Variants in ARL8B observed in about 807,000 individuals in gnomAD.
ARL8B encodes the protein ADP-ribosylation factor-like protein 8B.
A neutral mutation model predicts 30.6 loss-of-function variants in ARL8B; 9 were observed. The observed-to-expected ratio is 0.29, with a 90% confidence interval of 0.18 to 0.51. ARL8B has a LOEUF of 0.51. Ranked by LOEUF, ARL8B falls within the 20% of genes least tolerant of loss-of-function variation. The pLI, the probability that ARL8B is intolerant of heterozygous loss-of-function variation, is 0.97. For synonymous variants in ARL8B, 74 were observed against 76.0 expected (o/e 0.97, Z 0.14); for missense variants, 130 against 227.2 (o/e 0.57, Z 2.75).
chr3:5,125,953 C>T (rs1403671319), intron 1 of ARL8B, among the ~76,000 whole-genome samples: 1 of 152,080 alleles, frequency 6.6e-6, no homozygotes, highest in African/African-American at 2.4e-5. Context: ...AGTCATTCCA[C>T]ACTGTAAACA....
intron 1 of ARL8B, among the ~76,000 whole-genome samples, chr3:5,130,656 C>T (rs1230802672): frequency 1.3e-5 from 2 of 151,960 alleles, no homozygotes; most frequent in Non-Finnish European, 2.9e-5. Context: ...GCCTCAGCCT[C>T]TCCCCAGTAG....
chr3:5,125,878 G>A (rs2106550838), intron 1 of ARL8B, among the ~76,000 whole-genome samples: 1 of 152,090 alleles, frequency 6.6e-6, no homozygotes, highest in African/African-American at 2.4e-5. Context: ...AATGGTGTGG[G>A]TAGCTTCAGT....
chr3:5,164,993 A>G (rs1299852961), intron 1 of ARL8B, among the ~76,000 whole-genome samples: 1 of 152,232 alleles, frequency 6.6e-6, no homozygotes, highest in African/African-American at 2.4e-5. Context: ...CAGCTGGAAT[A>G]CTACATAGGG....
At chr3:5,133,833 G>A (rs2054303688) in intron 1 of ARL8B, among the ~76,000 whole-genome samples, 2 of 152,200 alleles carry the variant, frequency 1.3e-5, no homozygotes, top group African/African-American at 4.8e-5. Flanking sequence ...AGCTGCCGGG[G>A]AGGCATAGGT....
intron 1 of ARL8B, among the ~76,000 whole-genome samples, chr3:5,124,343 C>T (rs1008748181): frequency 2.0e-5 from 3 of 146,904 alleles, no homozygotes; most frequent in African/African-American, 7.5e-5. Context: ...TGGGCTCAAG[C>T]GAGCCTCCTG....
At chr3:5,146,033 A>C (rs951096245) in intron 1 of ARL8B, among the ~76,000 whole-genome samples, 3 of 152,206 alleles carry the variant, frequency 2.0e-5, no homozygotes, top group Non-Finnish European at 4.4e-5. Flanking sequence ...TATTGTAACA[A>C]CTGGGTTTCC....
At chr3:5,160,700 T>TA (rs1376736525) in intron 1 of ARL8B, among the ~76,000 whole-genome samples, 3 of 152,230 alleles carry the variant, frequency 2.0e-5, no homozygotes, top group African/African-American at 7.2e-5. Context: ...CTAGATGTGA[T>TA]ATGACCAGTT....
intron 2 of ARL8B, 175 bp downstream of exon 2, chr3:5,170,758 G>A (rs1232942524): frequency 7.7e-6 from 4 of 520,358 alleles, no homozygotes; most frequent in Non-Finnish European, 1.3e-5. Context: ...TGGAAACAGA[G>A]TTTTGCTCTT....
intron 1 of ARL8B, among the ~76,000 whole-genome samples, chr3:5,153,172 T>G (rs1354760716): frequency 6.6e-6 from 1 of 152,150 alleles, no homozygotes; most frequent in Non-Finnish European, 1.5e-5. Flanking sequence ...AGAGGCCCCT[T>G]TACCTTCCCC....
In ARL8B at chr3:5,122,394, C is replaced by T. The variant is rs1173293307; in HGVS notation, c.-72C>T. ...AGCCGTTGGAGGGTCCGGGCGGAGG[C>T]CCGCTCGTGTGGAAGTCGTCGACGC... On this transcript the variant is annotated 5_prime_UTR_variant, in exon 1 of 7. Transcript: ENST00000256496. 6.2e-7 allele frequency: 1 copy of T among 1,601,528 alleles called. No homozygotes were observed. Among genetic ancestry groups the T allele is most frequent in the South Asian group, 1.1e-5 (1 of 89,862 alleles).
intron 6 of ARL8B, among the ~76,000 whole-genome samples, chr3:5,174,649 AAT>A (rs934214501): frequency 2.1e-5 from 3 of 142,698 alleles, no homozygotes; most frequent in East Asian, 2.0e-4. Flanking sequence ...CTCTCATACA[AAT>A]ATATATATAA....
Position 5,178,815 on chromosome 3 carries a change from A to G in ARL8B, c.*102A>G, listed in dbSNP as rs776709830. The G allele has an allele frequency of 8.9e-6, 14 of 1,571,274 alleles. No homozygotes were observed. The highest frequency in any genetic ancestry group is 4.6e-4 in the Middle Eastern group (2 of 4,320). Reference sequence around the variant, plus strand: ...GAATACGGTCCTTCCTAAACCCCAGAAATTGCCTTTTTCAGAGTTTATTTC... The same window carrying G: ...GAATACGGTCCTTCCTAAACCCCAGGAATTGCCTTTTTCAGAGTTTATTTC... On this transcript the variant is annotated 3_prime_UTR_variant, in exon 7 of 7. Transcript: ENST00000256496.
rs73807489 is a variant in ARL8B at position 5,126,350 on chromosome 3, C to T, written c.123+3762C>T. ...ATCAGAAATACAGATGTATTGAGTA[C>T]TATGTGTCACTCTAGAAAGGTGACC... On this transcript the variant is annotated intron_variant, in intron 1 of 6. Transcript: ENST00000256496. Among the ~76,000 whole-genome samples the T allele has an allele frequency of 4.2e-3, 632 of 152,226 alleles. 9 individuals carry two copies. The highest frequency in any genetic ancestry group is 0.014 in the African/African-American group (597 of 41,534).
intron 1 of ARL8B, among the ~76,000 whole-genome samples, chr3:5,130,732 C>T (rs888380618): frequency 1.3e-5 from 2 of 151,752 alleles, no homozygotes; most frequent in African/African-American, 2.4e-5. Context: ...GATGGGGTTT[C>T]GCTACGTTGG....
chr3:5,157,378 C>A (rs2054542605), intron 1 of ARL8B, among the ~76,000 whole-genome samples: 1 of 152,208 alleles, frequency 6.6e-6, no homozygotes, highest in Non-Finnish European at 1.5e-5. Context: ...TCTCCCATCT[C>A]CCACTTCCTG....
intron 1 of ARL8B, among the ~76,000 whole-genome samples, chr3:5,153,461 G>A (rs890307150): frequency 5.3e-5 from 8 of 152,108 alleles, no homozygotes; most frequent in Non-Finnish European, 7.4e-5. Context: ...GCCTTCCACC[G>A]TGATTGTGAG....
In ARL8B at chr3:5,151,284, A is replaced by G. The variant is rs527574903; in HGVS notation, c.124-19219A>G. Among the ~76,000 whole-genome samples the G allele has an allele frequency of 7.2e-5, 11 of 152,206 alleles. No homozygotes were observed. In the South Asian group the frequency reaches 2.3e-3, roughly 32 times the overall value. ...TTTGAGACATTTCTTCTTTTCTAAT[A>G]TAAGCATTTGAAGCTGGGCATAGTG... is the stretch of plus-strand genomic sequence containing the variant. On this transcript the variant is annotated intron_variant, in intron 1 of 6. Coordinates refer to ENST00000256496, the MANE Select transcript of ARL8B (RefSeq NM_018184.3).
At chr3:5,174,957 C>T (rs549688180) in intron 6 of ARL8B, among the ~76,000 whole-genome samples, 243 of 151,686 alleles carry the variant, frequency 1.6e-3, no homozygotes, top group African/African-American at 5.3e-3. Flanking sequence ...CGTGCACCAC[C>T]ACGCCCGGCT....
At chr3:5,158,963 T>C (rs2054555500) in intron 1 of ARL8B, among the ~76,000 whole-genome samples, 1 of 152,130 alleles carries the variant, frequency 6.6e-6, no homozygotes, top group African/African-American at 2.4e-5. Context: ...TTTGTTTTTC[T>C]AAAACTGAAG....
Sources: gnomAD v4.1 joint callset for allele counts (sites outside exome capture counted in the v4.1 genomes callset) on GRCh38, gnomAD v4.1.1 for gene constraint, MANE v1.5 for transcripts, NCBI Gene and HGNC (gene_info 2026-07-23, HGNC 2026-07-21) for gene names.